SORCS2: variants seen among roughly 807,000 people sequenced by gnomAD.
The protein encoded by SORCS2 is sortilin related VPS10 domain containing receptor 2.
A neutral mutation model predicts 141.6 loss-of-function variants in SORCS2; 100 were observed. The ratio of observed to expected loss-of-function variants is 0.71; its 90% confidence interval spans 0.60 to 0.83. The LOEUF is 0.83. SORCS2 is among the 40% of genes least tolerant of loss of function. SORCS2 has a pLI of 0.00. For missense variants in SORCS2, 1,646 were observed against 1,560.2 expected (o/e 1.05, Z -0.93); for synonymous variants, 789 against 676.9 (o/e 1.17, Z -2.57).
chr4:7,372,667 G>A (rs1722334250), intron 1 of SORCS2, among the ~76,000 whole-genome samples: 2 of 152,144 alleles, frequency 1.3e-5, no homozygotes, highest in Admixed American at 6.5e-5. Flanking sequence ...TACACTCATG[G>A]ACGCAACACC....
intron 19 of SORCS2, among the ~76,000 whole-genome samples, chr4:7,724,301 ACAATGGTGGTGG>A (rs1217462822): frequency 3.4e-5 from 3 of 87,376 alleles, no homozygotes; most frequent in Admixed American, 1.2e-4. Context: ...GATAATGGTG[ACAATGGTGGTGG>A]TGGTGGTGGT....
At chr4:7,659,543 A>C (rs545117676) in intron 5 of SORCS2, among the ~76,000 whole-genome samples, 1 of 152,326 alleles carries the variant, frequency 6.6e-6, no homozygotes, top group East Asian at 1.9e-4. Flanking sequence ...AGGCTTTCAG[A>C]CTTGCCAACC....
chr4:7,206,990 G>A (rs1577274864), intron 1 of SORCS2, among the ~76,000 whole-genome samples: 1 of 152,134 alleles, frequency 6.6e-6, no homozygotes, highest in East Asian at 1.9e-4. Context: ...TGACTTTGCA[G>A]CATCACCCAC....
At chr4:7,300,495 G>T (rs1198914358) in intron 1 of SORCS2, among the ~76,000 whole-genome samples, 1 of 152,222 alleles carries the variant, frequency 6.6e-6, no homozygotes, top group Non-Finnish European at 1.5e-5. Context: ...CCCTGCCTCT[G>T]CTTTCAGTGA....
chr4:7,298,201 G>A (rs1213063974), intron 1 of SORCS2, among the ~76,000 whole-genome samples: 1 of 152,172 alleles, frequency 6.6e-6, no homozygotes, highest in Non-Finnish European at 1.5e-5. Context: ...TGGGGTCCAG[G>A]ACATGACCAT....
chr4:7,689,243 G>C (rs1724061752), intron 10 of SORCS2, among the ~76,000 whole-genome samples: 1 of 152,066 alleles, frequency 6.6e-6, no homozygotes, highest in Non-Finnish European at 1.5e-5. Flanking sequence ...TGCCTCACTT[G>C]TGCCCACTTC....
chr4:7,298,288 C>T (rs1332639340), intron 1 of SORCS2, among the ~76,000 whole-genome samples: 1 of 152,090 alleles, frequency 6.6e-6, no homozygotes. Flanking sequence ...GGCAAGGCAC[C>T]CCAGCAGGGG....
At chr4:7,447,331 G>T (rs1728064171) in intron 2 of SORCS2, among the ~76,000 whole-genome samples, 1 of 152,174 alleles carries the variant, frequency 6.6e-6, no homozygotes, top group South Asian at 2.1e-4. Context: ...CTTGCCTTGT[G>T]TGTAAAGAGA....
chr4:7,406,179 A>T (rs948893985), intron 2 of SORCS2, among the ~76,000 whole-genome samples: 1 of 143,538 alleles, frequency 7.0e-6, no homozygotes, highest in Non-Finnish European at 1.6e-5. Context: ...ATCATTATTC[A>T]TATTGACCTG....
At chr4:7,601,957 G>A (rs1350459367) in intron 3 of SORCS2, among the ~76,000 whole-genome samples, 2 of 152,204 alleles carry the variant, frequency 1.3e-5, no homozygotes, top group Non-Finnish European at 2.9e-5. Context: ...AGTGGACACA[G>A]CACATGTTTC....
At chr4:7,611,616 C>G (rs915321398) in intron 3 of SORCS2, among the ~76,000 whole-genome samples, 1 of 152,150 alleles carries the variant, frequency 6.6e-6, no homozygotes, top group Admixed American at 6.5e-5. Context: ...GTCCACTGCC[C>G]AATATGTCAG....
chr4:7,644,116 G>C (rs1319895323), intron 4 of SORCS2, among the ~76,000 whole-genome samples: 2 of 152,162 alleles, frequency 1.3e-5, no homozygotes, highest in Admixed American at 6.5e-5. Flanking sequence ...AAGGGAGAGG[G>C]TTTTACACTA....
chr4:7,402,830 C>T (rs926680902), intron 2 of SORCS2, among the ~76,000 whole-genome samples: 2 of 151,502 alleles, frequency 1.3e-5, no homozygotes, highest in African/African-American at 2.4e-5. Flanking sequence ...ACATATTTTT[C>T]TGTGTTTATT....
At chr4:7,287,490 C>A (rs538089678) in intron 1 of SORCS2, among the ~76,000 whole-genome samples, 1 of 152,226 alleles carries the variant, frequency 6.6e-6, no homozygotes, top group Non-Finnish European at 1.5e-5. Flanking sequence ...GGTGGGGAGA[C>A]GGGAACCTTG....
At chr4:7,539,919 C>G (rs1712456958) in intron 3 of SORCS2, among the ~76,000 whole-genome samples, 1 of 151,162 alleles carries the variant, frequency 6.6e-6, no homozygotes, top group Non-Finnish European at 1.5e-5. Context: ...TGTGGAGGCC[C>G]CACCCCCTTC....
In SORCS2 at chr4:7,496,780, G is replaced by A. The variant is rs546302912; in HGVS notation, c.549-34750G>A. ...GGAATCCAAGGCGCCTTCACCAGGC[G>A]GGAGATGACAAAACAAAGGACCTTC... On this transcript the variant is annotated intron_variant, in intron 2 of 26. Transcript: ENST00000507866. Among the ~76,000 whole-genome samples, 23 of 152,236 alleles carry A rather than the reference G, an allele frequency of 1.5e-4. No individual in the cohort carries two copies. The East Asian group carries it at 2.1e-3, about 14-fold the overall frequency.
In SORCS2 at chr4:7,286,678, G is replaced by A. The variant is rs373560146; in HGVS notation, c.480+93552G>A. On this transcript the variant is annotated intron_variant, in intron 1 of 26. Transcript: ENST00000507866. This position sits in a 1 kb window ranked among gnomAD's most constrained non-coding sequence, Gnocchi z 4.1. The stretch of plus-strand genomic sequence containing the variant: ...CAAGGGTGAGAGAGAGCTGGGACTC[G>A]ACTCTGGGCCTCCTGCCTTCTGGCC... Among the ~76,000 whole-genome samples, 15 of 152,196 alleles carry A rather than the reference G, an allele frequency of 9.9e-5. No individual in the cohort carries two copies. The highest frequency in any genetic ancestry group is 2.7e-4 in the African/African-American group (11 of 41,454).
intron 2 of SORCS2, chr4:7,434,534 A>G: frequency 6.2e-7 from 1 of 1,613,152 alleles, no homozygotes. Context: ...AGGATGGCCG[A>G]ACTGTGGGCA....
At chr4:7,677,609 C>T (rs867757633) in intron 9 of SORCS2, among the ~76,000 whole-genome samples, 1 of 152,174 alleles carries the variant, frequency 6.6e-6, no homozygotes, top group African/African-American at 2.4e-5. Context: ...CGTGGGTGGC[C>T]AGTAGACCCT....
Sources: gnomAD v4.1 joint callset for allele counts (sites outside exome capture counted in the v4.1 genomes callset) on GRCh38, gnomAD v4.1.1 for gene constraint, Gnocchi (gnomAD v3.1) non-coding constraint, MANE v1.5 for transcripts, NCBI Gene and HGNC (gene_info 2026-07-23, HGNC 2026-07-21) for gene names.